RNF213: variants seen among roughly 807,000 people sequenced by gnomAD.
The protein encoded by RNF213 is ring finger protein 213.
In RNF213, 341 loss-of-function variants were observed where a neutral mutation model predicts 514.4. The observed-to-expected ratio is 0.66, with a 90% confidence interval of 0.61 to 0.73. RNF213 has a LOEUF of 0.73. Ranked by LOEUF, RNF213 falls within the 30% of genes least tolerant of loss-of-function variation. RNF213 has a pLI of 0.00. For missense variants in RNF213, 5,767 were observed against 6,615.6 expected (o/e 0.87, Z 4.45); for synonymous variants, 2,655 against 2,658.2 (o/e 1.00, Z 0.04).
intron 3 of RNF213, among the ~76,000 whole-genome samples, chr17:80,276,140 T>G (rs1404299989): frequency 6.6e-6 from 1 of 151,984 alleles, no homozygotes; most frequent in East Asian, 1.9e-4. Flanking sequence ...TCGCTCCTGT[T>G]GCCAAGCTAG....
intron 59 of RNF213, 105 bp from the exon 60 acceptor site, chr17:80,384,934 A>G: frequency 8.2e-7 from 1 of 1,216,150 alleles, no homozygotes; most frequent in Non-Finnish European, 1.2e-6. Context: ...CACTGACCAG[A>G]TTAAGCTACA....
At chr17:80,267,676 T>C (rs2043654344) in intron 2 of RNF213, among the ~76,000 whole-genome samples, 1 of 152,074 alleles carries the variant, frequency 6.6e-6, no homozygotes, top group South Asian at 2.1e-4. Context: ...CAGAGACTGG[T>C]TTATGAGGTT....
chr17:80,281,246 A>AACAC (rs1230540219), intron 3 of RNF213, among the ~76,000 whole-genome samples: 1 of 46,634 alleles, frequency 2.1e-5, no homozygotes, highest in African/African-American at 8.1e-5. Flanking sequence ...CACACACCTC[A>AACAC]ACACACATAC....
At chr17:80,386,999 G>T (rs2080263917) in intron 63 of RNF213, 108 bp downstream of exon 63, 1 of 1,084,342 alleles carries the variant, frequency 9.2e-7, no homozygotes, top group Non-Finnish European at 1.4e-6. Flanking sequence ...CTGCAGTCTG[G>T]TCTGTATCTC....
At chr17:80,352,666 A>C in intron 32 of RNF213, 1 of 614,656 alleles carries the variant, frequency 1.6e-6, no homozygotes, top group Admixed American at 2.6e-5. Context: ...AAAGAACCAC[A>C]GGCCTTATCC....
At position 80,386,849 on chromosome 17, in the gene RNF213, C is replaced by T. The variant is rs144367158; in HGVS notation, c.14880C>T (p.Ile4960=). ...EFDLEKIQRQ[I]VSRFLQGKPR... ...ATCTGGAGAAGATTCAGCGGCAGAT[C>T]GTCAGCCGCTTCCTCCAGGGCAAGC... Residue 4960 remains isoleucine (I), a synonymous_variant, in exon 63 of 68, where the codon ATC becomes ATT. Transcript: ENST00000582970. 717 of 1,613,904 alleles carry T rather than the reference C, an allele frequency of 4.4e-4. 13 individuals carry two copies. The East Asian group carries it at 0.015, about 34-fold the overall frequency.
At chr17:80,298,579 AC>A (rs1201737472) in intron 11 of RNF213, 61 bp downstream of exon 11, 1 of 1,585,118 alleles carries the variant, frequency 6.3e-7, no homozygotes, top group Non-Finnish European at 8.6e-7. Flanking sequence ...TACATTGTGC[AC>A]CCGGAGTCCC....
chr17:80,362,882 C>G (rs2079107018), intron 39 of RNF213, among the ~76,000 whole-genome samples: 1 of 152,196 alleles, frequency 6.6e-6, no homozygotes, highest in African/African-American at 2.4e-5. Flanking sequence ...AGGGAAAGTT[C>G]ATGATGTCAT....
At position 80,306,454 on chromosome 17, in the gene RNF213, G is replaced by C. The variant is rs746668187; in HGVS notation, c.2413G>C (p.Val805Leu). 9 of 1,614,004 alleles carry C rather than the reference G, an allele frequency of 5.6e-6. No individual in the cohort carries two copies. Residue 805 changes from valine to leucine, a missense_variant, in exon 12 of 68, where the codon GTC (valine) becomes CTC (leucine). Val to Leu is a conservative substitution (Grantham distance 32, BLOSUM62 1). This residue lies in a region of RNF213 where 592 missense variants were observed against 673.9 expected (regional missense o/e 0.88). Transcript: ENST00000582970. ...CTACCGGCTTCCGGGACTTGAGCAA[G>C]TCTTGAATACGCAGGTTTGTGTCTG... The part of the protein sequence containing the change: ...IYYRLPGLEQ[V>L]LNTQDVQDVQ...
At chr17:80,282,638 T>A (rs1353705731) in intron 3 of RNF213, among the ~76,000 whole-genome samples, 1 of 152,072 alleles carries the variant, frequency 6.6e-6, no homozygotes, top group African/African-American at 2.4e-5. Flanking sequence ...GACCTTGTGA[T>A]CCACCCGCCT....
intron 5 of RNF213, among the ~76,000 whole-genome samples, chr17:80,289,009 A>T (rs2044580443): frequency 6.6e-6 from 1 of 152,148 alleles, no homozygotes; most frequent in African/African-American, 2.4e-5. Context: ...CCACAGCCCG[A>T]GTGGCCGGGC....
Position 80,386,332 on chromosome 17 carries a change from G to A in RNF213, c.14622G>A (p.Arg4874=). 1.2e-6 allele frequency: 2 copies of A among 1,614,018 alleles called. No individual in the cohort carries two copies. Among genetic ancestry groups the A allele is most frequent in the Non-Finnish European group, 1.7e-6 (2 of 1,179,968 alleles). The change falls in exon 62 of 68, where the codon CGG becomes CGA. Residue 4874 remains arginine (R), a synonymous_variant. Transcript: ENST00000582970. ...TTGAGATCCTCTTGCCACGCCGACG[G>A]GGCCTGGGCCTCTGTGCTACCGCTC... ...TEFEILLPRR[R]GLGLCATALV... is the part of the protein sequence containing the mutation.
chr17:80,355,958 C>A (rs952080766), intron 36 of RNF213, among the ~76,000 whole-genome samples: 2 of 151,738 alleles, frequency 1.3e-5, no homozygotes, highest in Admixed American at 6.6e-5. Flanking sequence ...TTTAGGAGAT[C>A]AGAAATATTT....
chr17:80,282,500 G>T (rs900597575), intron 3 of RNF213, among the ~76,000 whole-genome samples: 1 of 152,068 alleles, frequency 6.6e-6, no homozygotes, highest in East Asian at 1.9e-4. Flanking sequence ...CCAGGTTCAC[G>T]CCATTCTCCT....
chr17:80,261,426 G>A (rs1354839156), intron 1 of RNF213, among the ~76,000 whole-genome samples: 2 of 152,236 alleles, frequency 1.3e-5, no homozygotes, highest in Non-Finnish European at 2.9e-5. Flanking sequence ...GCCCGAGCGC[G>A]GGGCTCAAGG....
intron 11 of RNF213, among the ~76,000 whole-genome samples, chr17:80,300,180 C>G (rs566748271): frequency 6.6e-6 from 1 of 152,354 alleles, no homozygotes; most frequent in East Asian, 1.9e-4. Context: ...CATAAGCATT[C>G]CTTTTTCTCC....
In RNF213 at chr17:80,319,740, T is replaced by C. The variant is rs140056835; in HGVS notation, c.3024+428T>C. The C allele has an allele frequency of 7.8e-3, 10,763 of 1,374,428 alleles. 60 individuals are homozygous for C. The highest frequency in any genetic ancestry group is 9.3e-3 in the Non-Finnish European group (9,909 of 1,060,696). The allele number at this position is 1,374,428 out of a possible 1,614,324, so 85.1% of individuals were successfully genotyped here. On this transcript the variant is annotated intron_variant, in intron 17 of 67. Transcript: ENST00000582970. Reference sequence around the variant, plus strand: ...TATGTGAAATGGAAAATTGTATCAATTTATTTAGCTCTTTTCGGCAAAGGG... The same window carrying C: ...TATGTGAAATGGAAAATTGTATCAACTTATTTAGCTCTTTTCGGCAAAGGG...
At chr17:80,309,662 C>T (rs1457383208) in intron 14 of RNF213, among the ~76,000 whole-genome samples, 2 of 152,186 alleles carry the variant, frequency 1.3e-5, no homozygotes, top group Admixed American at 1.3e-4. Flanking sequence ...CGCTGCATGT[C>T]GTGTCCCAGG....
intron 50 of RNF213, 75 bp from the exon 51 acceptor site, chr17:80,375,685 A>G (rs2089980191): frequency 2.0e-6 from 2 of 1,017,188 alleles, no homozygotes; most frequent in South Asian, 1.3e-5. Context: ...CCTGGGTGAC[A>G]GAGCAAGACT....
Sources: gnomAD v4.1 joint callset for allele counts (sites outside exome capture counted in the v4.1 genomes callset) on GRCh38, gnomAD v4.1.1 for gene constraint, gnomAD v4.1.1 regional missense constraint, MANE v1.5 for transcripts, NCBI Gene and HGNC (gene_info 2026-07-23, HGNC 2026-07-21) for gene names.